Variants in CPT1A observed in about 807,000 individuals in gnomAD.
CPT1A encodes the protein carnitine palmitoyltransferase 1A.
CPT1A carries 64 observed loss-of-function variants against 100.8 expected under a neutral mutation model. That is an observed-to-expected ratio of 0.63 (90% CI 0.52 to 0.78). The LOEUF (loss-of-function observed/expected upper bound fraction) is 0.78, where lower values mean the gene tolerates loss of function less well. Ranked by LOEUF, CPT1A falls within the 30% of genes least tolerant of loss-of-function variation. CPT1A has a pLI of 0.00. For missense variants in CPT1A, 802 were observed against 1,034.1 expected, an observed-to-expected ratio of 0.78 and a Z score of 3.08; for synonymous variants, 363 against 396.0, an observed-to-expected ratio of 0.92 and a Z score of 0.99.
At chr11:68,810,886 G>A (rs1856183095) in intron 3 of CPT1A, among the ~76,000 whole-genome samples, 1 of 152,140 alleles carries the variant, frequency 6.6e-6, no homozygotes, top group Non-Finnish European at 1.5e-5. Flanking sequence ...TCAGGAGGCT[G>A]AGGCAGGAGA....
chr11:68,791,077 G>A (rs1309532858), intron 9 of CPT1A, among the ~76,000 whole-genome samples: 1 of 152,186 alleles, frequency 6.6e-6, no homozygotes, highest in Non-Finnish European at 1.5e-5. Context: ...ACCTGCCTTG[G>A]CCTCCCAAAG....
chr11:68,834,522 C>G (rs549118019), intron 1 of CPT1A, among the ~76,000 whole-genome samples: 2 of 152,238 alleles, frequency 1.3e-5, no homozygotes, highest in Admixed American at 6.5e-5. Context: ...CAGGCGAAGG[C>G]AGGAAGTTCG....
intron 16 of CPT1A, 51 bp downstream of exon 16, chr11:68,761,484 T>G (rs776300966): frequency 6.3e-7 from 1 of 1,587,024 alleles, no homozygotes; most frequent in East Asian, 2.2e-5. Context: ...AGTAATTTAC[T>G]AAGTTTTGGT....
In CPT1A at chr11:68,841,863, G is replaced by T. The variant is rs1857168959; in HGVS notation, c.-102C>A. 3.0e-6 allele frequency: 3 copies of T among 992,706 alleles called. No homozygotes were observed. The highest frequency in any genetic ancestry group is 1.1e-4 in the East Asian group (1 of 9,142). The allele number at this position is 992,706 out of a possible 1,614,324, so 61.5% of individuals were successfully genotyped here. Reference sequence around the variant, plus strand: ...TGAACGAGCGGCGAGCGGGAGCCGGGGAAGGAGGGCCGCGGGCGAGGCCGA... The same window carrying T: ...TGAACGAGCGGCGAGCGGGAGCCGGTGAAGGAGGGCCGCGGGCGAGGCCGA... On this transcript the variant is annotated 5_prime_UTR_variant, in exon 1 of 19. Transcript: ENST00000265641. The surrounding 1 kb of genome is among the most constrained non-coding windows in gnomAD (Gnocchi z 6.3).
intron 12 of CPT1A, among the ~76,000 whole-genome samples, chr11:68,777,178 C>T (rs1232921748): frequency 6.6e-6 from 1 of 152,122 alleles, no homozygotes; most frequent in African/African-American, 2.4e-5. Context: ...GTTAGTAATC[C>T]CAGCATGTTG....
At chr11:68,828,155 T>C (rs11821572) in intron 1 of CPT1A, among the ~76,000 whole-genome samples, 2,940 of 152,264 alleles carry the variant, frequency 0.019, 102 homozygotes, top group African/African-American at 0.066. Flanking sequence ...CTTGATGTGG[T>C]CATCCTGCCC....
At chr11:68,771,423 G>A (rs1485385792) in intron 14 of CPT1A, among the ~76,000 whole-genome samples, 1 of 152,142 alleles carries the variant, frequency 6.6e-6, no homozygotes, top group Non-Finnish European at 1.5e-5. Context: ...CCCTCATACT[G>A]CACGTTTACG....
At chr11:68,810,794 G>A (rs1222475474) in intron 3 of CPT1A, among the ~76,000 whole-genome samples, 1 of 152,104 alleles carries the variant, frequency 6.6e-6, no homozygotes, top group East Asian at 1.9e-4. Context: ...AGATCAGCCT[G>A]GCCAACATGG....
intron 3 of CPT1A, among the ~76,000 whole-genome samples, chr11:68,810,380 AGGCAGACAAGGAACCT>A: frequency 6.6e-6 from 1 of 152,298 alleles, no homozygotes; most frequent in Non-Finnish European, 1.5e-5. Context: ...AGCAGTACCC[AGGCAGACAAGGAACCT>A]GGCAGGCGTC....
rs757693731 is a variant in CPT1A, at chr11:68,793,306, T to C, written c.967+9A>G. On this transcript the variant is annotated intron_variant, in intron 9 of 18. Transcript: ENST00000265641. ...ATTCTCCAGGGGGCCCTGAAGAAGCTTGACTCACCTGTCTCCTCTCCTGGG... is the reference window on the plus strand; with the variant it reads ...ATTCTCCAGGGGGCCCTGAAGAAGCCTGACTCACCTGTCTCCTCTCCTGGG... 1 of 1,605,406 alleles carries C rather than the reference T, an allele frequency of 6.2e-7. No individual in the cohort carries two copies. The highest frequency in any genetic ancestry group is 1.7e-5 in the Admixed American group (1 of 59,534).
intron 18 of CPT1A, among the ~76,000 whole-genome samples, chr11:68,759,253 G>A (rs932140075): frequency 1.1e-4 from 16 of 151,824 alleles, no homozygotes; most frequent in African/African-American, 2.7e-4. Context: ...AAAATTAGCC[G>A]GGGTAGTGGC....
At chr11:68,824,517 A>T (rs140363739) in intron 1 of CPT1A, among the ~76,000 whole-genome samples, 2 of 152,318 alleles carry the variant, frequency 1.3e-5, no homozygotes, top group Non-Finnish European at 2.9e-5. Context: ...CTGTTACCTC[A>T]TGGCATTAAG....
chr11:68,825,511 C>T (rs1856700810), intron 1 of CPT1A, among the ~76,000 whole-genome samples: 1 of 152,176 alleles, frequency 6.6e-6, no homozygotes, highest in Non-Finnish European at 1.5e-5. Flanking sequence ...GAAAGTTGGC[C>T]ATGCCCAAGC....
At chr11:68,840,755 A>C (rs1857138331) in intron 1 of CPT1A, among the ~76,000 whole-genome samples, 1 of 152,194 alleles carries the variant, frequency 6.6e-6, no homozygotes, top group African/African-American at 2.4e-5. Context: ...CTCCTGACAA[A>C]CCGAAAGAAG....
At chr11:68,783,413 C>T (rs552085210) in intron 10 of CPT1A, among the ~76,000 whole-genome samples, 1 of 152,238 alleles carries the variant, frequency 6.6e-6, no homozygotes, top group Admixed American at 6.5e-5. Flanking sequence ...CTCCTGCCTG[C>T]TCTGCTACCC....
intron 14 of CPT1A, among the ~76,000 whole-genome samples, chr11:68,767,822 G>A (rs1854852653): frequency 6.6e-6 from 1 of 152,058 alleles, no homozygotes; most frequent in Non-Finnish European, 1.5e-5. Flanking sequence ...CGGGTTTTGT[G>A]TAACAAATAT....
intron 5 of CPT1A, among the ~76,000 whole-genome samples, chr11:68,803,741 A>ATAAAATAAAATAAAC (rs1439922100): frequency 4.6e-5 from 7 of 151,204 alleles, no homozygotes; most frequent in African/African-American, 1.7e-4. Context: ...ATAAAATAAA[A>ATAAAATAAAATAAAC]TAAAATAAAA....
In CPT1A at chr11:68,761,668, A is replaced by G; in HGVS notation, c.1895T>C (p.Leu632Ser). 6.2e-7 allele frequency: 1 copy of G among 1,614,230 alleles called. No homozygotes were observed. The highest frequency in any genetic ancestry group is 8.5e-7 in the Non-Finnish European group (1 of 1,180,038). ...ATGCTTCTCAGACGCCAACTTGAAC[A>G]ACTTCAGCCTCTGTTCCACCTGAGT... Reference protein sequence around the residue: ...PAQTVEQRLKLFKLASEKHQH... With the variant: ...PAQTVEQRLKSFKLASEKHQH... The change falls in exon 16 of 19, where the codon TTG becomes TCG. Residue 632 changes from leucine to serine, a missense_variant. Physicochemically the swap from Leu to Ser is moderately radical, Grantham distance 145 (BLOSUM62 -2). Transcript: ENST00000265641.
Position 68,841,868 on chromosome 11 carries a change from G to A in CPT1A, c.-107C>T. The A allele has an allele frequency of 2.0e-6, 2 of 992,476 alleles. No homozygotes were observed. The highest frequency in any genetic ancestry group is 2.4e-6 in the Non-Finnish European group (2 of 836,294). The allele number at this position is 992,476 out of a possible 1,614,324, so 61.5% of individuals were successfully genotyped here. On this transcript the variant is annotated 5_prime_UTR_variant, in exon 1 of 19. Coordinates refer to ENST00000265641, the MANE Select transcript of CPT1A (RefSeq NM_001876.4). The surrounding 1 kb of genome is among the most constrained non-coding windows in gnomAD (Gnocchi z 6.3). ...GAGCGGCGAGCGGGAGCCGGGGAAG[G>A]AGGGCCGCGGGCGAGGCCGAGCGCA...
Sources: allele counts gnomAD v4.1 joint callset (sites outside exome capture counted in the v4.1 genomes callset), GRCh38; gene constraint gnomAD v4.1.1; non-coding constraint Gnocchi (gnomAD v3.1); transcripts MANE v1.5; gene names NCBI Gene and HGNC (gene_info 2026-07-23, HGNC 2026-07-21).